Variants in EFNA5 observed in about 807,000 individuals in gnomAD.
EFNA5 encodes the protein ephrin-A5.
EFNA5 carries 5 observed loss-of-function variants against 22.9 expected under a neutral mutation model. That is an observed-to-expected ratio of 0.22 (90% CI 0.11 to 0.46). EFNA5 has a LOEUF of 0.46. Ranked by LOEUF, EFNA5 falls within the 20% of genes least tolerant of loss-of-function variation. The pLI, the probability that EFNA5 is intolerant of heterozygous loss-of-function variation, is 0.99. For synonymous variants in EFNA5, 113 were observed against 112.2 expected, an observed-to-expected ratio of 1.01 and a Z score of -0.04; for missense variants, 237 against 293.3, an observed-to-expected ratio of 0.81 and a Z score of 1.40.
At chr5:107,560,331 A>T (rs953206587) in intron 1 of EFNA5, among the ~76,000 whole-genome samples, 2 of 152,250 alleles carry the variant, frequency 1.3e-5, no homozygotes, top group African/African-American at 4.8e-5. Flanking sequence ...AGAAGAAAAG[A>T]AGAAAAATCA....
intron 4 of EFNA5, 97 bp downstream of exon 4, chr5:107,387,138 T>TAACATGCA: frequency 1.3e-6 from 1 of 788,834 alleles, no homozygotes; most frequent in South Asian, 2.0e-5. Flanking sequence ...ACAACAACTA[T>TAACATGCA]AACATGCAAA....
intron 1 of EFNA5, among the ~76,000 whole-genome samples, chr5:107,608,858 G>GAATGT (rs1239908250): frequency 1.3e-5 from 2 of 152,188 alleles, no homozygotes; most frequent in Non-Finnish European, 2.9e-5. Context: ...CAGTTTCTGT[G>GAATGT]AATGTCCAAA....
chr5:107,584,055 G>C (rs1298064217), intron 1 of EFNA5, among the ~76,000 whole-genome samples: 1 of 152,154 alleles, frequency 6.6e-6, no homozygotes, highest in African/African-American at 2.4e-5. Flanking sequence ...TGTATCTCTA[G>C]GGAAAGGTCA....
intron 2 of EFNA5, among the ~76,000 whole-genome samples, chr5:107,422,740 C>G (rs773357905): frequency 1.8e-4 from 27 of 152,176 alleles, no homozygotes; most frequent in Non-Finnish European, 2.4e-4. Flanking sequence ...AGGTTAGAGA[C>G]TGTGGACTTT....
At chr5:107,599,773 T>G (rs375810896) in intron 1 of EFNA5, among the ~76,000 whole-genome samples, 1 of 152,228 alleles carries the variant, frequency 6.6e-6, no homozygotes, top group South Asian at 2.1e-4. Flanking sequence ...CAAAGTATGC[T>G]TCTAGGAAAA....
At position 107,502,052 on chromosome 5, in the gene EFNA5, G is replaced by A. The variant is rs149903391; in HGVS notation, c.126-74543C>T. Among the ~76,000 whole-genome samples the A allele has an allele frequency of 2.6e-4, 39 of 152,230 alleles. No individual in the cohort carries two copies. The East Asian group carries it at 3.7e-3, about 14-fold the overall frequency. ...AAGATGTACACCGGGCATTGCCTAC[G>A]GAAGTTAGTTAATTACACCAACCTG... On this transcript the variant is annotated intron_variant, in intron 1 of 4. Coordinates refer to ENST00000333274, the MANE Select transcript of EFNA5 (RefSeq NM_001962.3).
intron 1 of EFNA5, among the ~76,000 whole-genome samples, chr5:107,591,894 TATATAATATATAATATAAAAAATATA>T (rs1749341144): frequency 1.5e-4 from 2 of 13,372 alleles, no homozygotes; most frequent in Non-Finnish European, 2.4e-4. Flanking sequence ...ATATATATTA[TATATAATATATAATATAAAAAATATA>T]TATATAATAT....
intron 2 of EFNA5, among the ~76,000 whole-genome samples, chr5:107,420,358 C>G (rs1040880281): frequency 6.6e-6 from 1 of 151,692 alleles, no homozygotes; most frequent in South Asian, 2.1e-4. Context: ...AATATTTCAT[C>G]GAGACTCAAA....
At chr5:107,605,468 C>T (rs941536669) in intron 1 of EFNA5, among the ~76,000 whole-genome samples, 7 of 151,954 alleles carry the variant, frequency 4.6e-5, no homozygotes, top group Non-Finnish European at 1.0e-4. Flanking sequence ...TAGTGAGAAA[C>T]CTTATAGGAG....
At chr5:107,464,476 G>T (rs1017253471) in intron 1 of EFNA5, among the ~76,000 whole-genome samples, 1 of 152,152 alleles carries the variant, frequency 6.6e-6, no homozygotes, top group Non-Finnish European at 1.5e-5. Context: ...GGGGAGCAAA[G>T]GGGAGAAATT....
At chr5:107,509,622 C>T (rs1747323786) in intron 1 of EFNA5, among the ~76,000 whole-genome samples, 2 of 151,860 alleles carry the variant, frequency 1.3e-5, no homozygotes, top group African/African-American at 2.4e-5. Flanking sequence ...TGAGCCACCA[C>T]ACCCGGCCTG....
chr5:107,440,034 G>T (rs979976792), intron 1 of EFNA5, among the ~76,000 whole-genome samples: 10 of 152,064 alleles, frequency 6.6e-5, no homozygotes, highest in African/African-American at 2.4e-4. Flanking sequence ...ACATAAAAAT[G>T]GTTTTGCACT....
At chr5:107,425,835 C>T (rs894176444) in intron 2 of EFNA5, among the ~76,000 whole-genome samples, 1 of 152,130 alleles carries the variant, frequency 6.6e-6, no homozygotes, top group African/African-American at 2.4e-5. Flanking sequence ...AGACTTAAAC[C>T]GTGTAAGTTG....
intron 1 of EFNA5, among the ~76,000 whole-genome samples, chr5:107,435,315 CT>C (rs3999107): frequency 0.022 from 2,346 of 104,618 alleles, 9 homozygotes; most frequent in African/African-American, 0.054. Context: ...TGAAGATGCT[CT>C]TTTTTTTTTT....
intron 1 of EFNA5, among the ~76,000 whole-genome samples, chr5:107,609,035 C>A (rs1360394865): frequency 2.0e-5 from 3 of 152,150 alleles, no homozygotes; most frequent in Admixed American, 1.3e-4. Flanking sequence ...GTTCTTCCTG[C>A]AAAACATGGG....
chr5:107,644,389 CA>C (rs1750588070), intron 1 of EFNA5, among the ~76,000 whole-genome samples: 1 of 152,068 alleles, frequency 6.6e-6, no homozygotes, highest in Admixed American at 6.5e-5. Context: ...AAAATGAGAA[CA>C]TTTTGCTTCG....
At chr5:107,426,507 T>G (rs1417590987) in intron 2 of EFNA5, among the ~76,000 whole-genome samples, 1 of 152,142 alleles carries the variant, frequency 6.6e-6, no homozygotes, top group Non-Finnish European at 1.5e-5. Flanking sequence ...CTATAACATA[T>G]GATAGTAGGA....
At chr5:107,471,657 A>C (rs1384100267) in intron 1 of EFNA5, among the ~76,000 whole-genome samples, 1 of 152,204 alleles carries the variant, frequency 6.6e-6, no homozygotes, top group Admixed American at 6.5e-5. Flanking sequence ...TTCTACTAAT[A>C]GGTGAATCCA....
At chr5:107,457,313 CT>C (rs1399238322) in intron 1 of EFNA5, among the ~76,000 whole-genome samples, 1 of 152,074 alleles carries the variant, frequency 6.6e-6, no homozygotes, top group African/African-American at 2.4e-5. Flanking sequence ...AGTCTCTAGC[CT>C]GATGAAGGCA....
Sources: gnomAD v4.1 joint callset for allele counts (sites outside exome capture counted in the v4.1 genomes callset) on GRCh38, gnomAD v4.1.1 for gene constraint, MANE v1.5 for transcripts, NCBI Gene and HGNC (gene_info 2026-07-23, HGNC 2026-07-21) for gene names.